Variants in ZSWIM5 observed in about 807,000 individuals in gnomAD.
The protein encoded by ZSWIM5 is zinc finger SWIM-type containing 5, also known as zinc finger SWIM domain-containing protein 5.
Under a neutral mutation model 119.6 loss-of-function variants are expected in ZSWIM5, and 55 were observed. The observed-to-expected ratio is 0.46, with a 90% CI of 0.37 to 0.58. ZSWIM5 has a LOEUF of 0.58. Among genes scored for constraint, ZSWIM5 ranks in the 20% least tolerant of loss-of-function variants. The pLI, the probability that ZSWIM5 is intolerant of heterozygous loss-of-function variation, is 0.00. For missense variants in ZSWIM5, 1,193 were observed against 1,512.8 expected, an observed-to-expected ratio of 0.79 and a Z score of 3.51; for synonymous variants, 537 against 606.9, an observed-to-expected ratio of 0.88 and a Z score of 1.69.
chr1:45,179,066 G>T (rs1404661633), intron 1 of ZSWIM5, among the ~76,000 whole-genome samples: 1 of 151,906 alleles, frequency 6.6e-6, no homozygotes, highest in Non-Finnish European at 1.5e-5. Context: ...ATTTATGATA[G>T]CATGAAAAAG....
chr1:45,043,082 TA>T, intron 6 of ZSWIM5, 136 bp downstream of exon 6: 1 of 874,596 alleles, frequency 1.1e-6, no homozygotes, highest in Non-Finnish European at 1.8e-6. Context: ...TAAATATCCC[TA>T]ATAAAAGCCC....
At position 45,017,267 on chromosome 1, in the gene ZSWIM5, G is replaced by T. The variant is rs1644859805; in HGVS notation, c.*1187C>A. On this transcript the variant is annotated 3_prime_UTR_variant, in exon 14 of 14. Coordinates refer to ENST00000359600, the MANE Select transcript of ZSWIM5 (RefSeq NM_020883.2). ...ATCCCTACATGTAGAAATACGCTCAGTTACACATATAAAGACACAGATGCA... is the reference window on the plus strand; with the variant it reads ...ATCCCTACATGTAGAAATACGCTCATTTACACATATAAAGACACAGATGCA... The T allele has an allele frequency of 1.3e-5, 2 of 152,190 alleles. No individual in the cohort carries two copies. Among genetic ancestry groups the T allele is most frequent in the South Asian group, 4.1e-4 (2 of 4,830 alleles). The allele number at this position is 152,190 out of a possible 1,614,324, so 9.4% of individuals were successfully genotyped here.
chr1:45,156,245 C>T (rs905109123), intron 1 of ZSWIM5, among the ~76,000 whole-genome samples: 13 of 151,870 alleles, frequency 8.6e-5, no homozygotes, highest in African/African-American at 3.1e-4. Context: ...ACTGGATACA[C>T]ATGGACACAA....
chr1:45,127,441 A>AT (rs1645628538), intron 1 of ZSWIM5, among the ~76,000 whole-genome samples: 1 of 149,668 alleles, frequency 6.7e-6, no homozygotes, highest in African/African-American at 2.5e-5. Context: ...TTCTGCTCTC[A>AT]CTTTTTTTTT....
Position 45,182,407 on chromosome 1 carries a change from AAAACAAAC to A in ZSWIM5, c.595+23341_595+23348del, listed in dbSNP as rs1220706124. Among the ~76,000 whole-genome samples, 35 of 126,480 alleles carry A rather than the reference AAAACAAAC, an allele frequency of 2.8e-4. 1 individual carries two copies. The highest frequency in any genetic ancestry group is 1.1e-3 in the South Asian group (5 of 4,458). 83.0% of individuals were successfully genotyped at this position (126,480 alleles called of 152,430 possible). On this transcript the variant is annotated intron_variant, in intron 1 of 13. Transcript: ENST00000359600. ...CGACAGAACGAGACTCCGTCTCAAA[AAAACAAAC>A]AAACAAACAAACAAACAAACAAAAA...
intron 1 of ZSWIM5, among the ~76,000 whole-genome samples, chr1:45,104,820 GC>G (rs933520588): frequency 1.2e-4 from 19 of 152,212 alleles, no homozygotes; most frequent in African/African-American, 3.9e-4. Context: ...ACAGCCATTG[GC>G]CCCCCTCAGC....
chr1:45,047,017 C>CA (rs35174853), intron 5 of ZSWIM5, among the ~76,000 whole-genome samples: 130 of 92,764 alleles, frequency 1.4e-3, no homozygotes, highest in African/African-American at 2.8e-3. Context: ...AACTCTGTCT[C>CA]AAAAAAAAAA....
intron 1 of ZSWIM5, among the ~76,000 whole-genome samples, chr1:45,198,479 A>G (rs1156294315): frequency 6.6e-6 from 1 of 152,250 alleles, no homozygotes; most frequent in Non-Finnish European, 1.5e-5. Flanking sequence ...ACAAAGAATG[A>G]TAACATTTGA....
intron 4 of ZSWIM5, among the ~76,000 whole-genome samples, chr1:45,058,074 C>T (rs1405903924): frequency 6.6e-6 from 1 of 152,104 alleles, no homozygotes; most frequent in Non-Finnish European, 1.5e-5. Context: ...GGTCAGTGGA[C>T]ATCTACTCAT....
chr1:45,203,008 A>G (rs1390819418), intron 1 of ZSWIM5, among the ~76,000 whole-genome samples: 2 of 152,034 alleles, frequency 1.3e-5, no homozygotes, highest in Non-Finnish European at 2.9e-5. Flanking sequence ...AATAGAGTTC[A>G]TACTCTAACC....
At chr1:45,096,888 T>G (rs976573590) in intron 1 of ZSWIM5, among the ~76,000 whole-genome samples, 1 of 152,188 alleles carries the variant, frequency 6.6e-6, no homozygotes, top group African/African-American at 2.4e-5. Flanking sequence ...CACCTGCTAT[T>G]ATAAGAACCC....
rs547647449 is a variant in ZSWIM5, at chr1:45,106,220, G to A, written c.596-17983C>T. ...CCGCCCCCTCTGGGAGGTGAGGGGC[G>A]TCTCTGCCCGGCCGCCCTGTCTGGG... is the stretch of plus-strand genomic sequence containing the variant. On this transcript the variant is annotated intron_variant, in intron 1 of 13. Transcript: ENST00000359600. Among the ~76,000 whole-genome samples the A allele has an allele frequency of 9.0e-4, 129 of 142,846 alleles. 1 individual carries two copies. The highest frequency in any genetic ancestry group is 2.9e-3 in the African/African-American group (112 of 38,300). The allele number at this position is 142,846 out of a possible 152,430, so 93.7% of individuals were successfully genotyped here.
chr1:45,083,078 G>C (rs1570074653), intron 2 of ZSWIM5, among the ~76,000 whole-genome samples: 1 of 152,172 alleles, frequency 6.6e-6, no homozygotes, highest in Non-Finnish European at 1.5e-5. Context: ...AAGGAGGTCA[G>C]CGTAGAACAG....
chr1:45,092,939 CCTATCTAT>C lies in ZSWIM5; in HGVS notation c.596-4710_596-4703del, dbSNP rs576663509. ...CATAGGCCAATTCCTTGAAATAAAT[CCTATCTAT>C]CTATCTATCTATCTATCATCTCCCA... On this transcript the variant is annotated intron_variant, in intron 1 of 13. Transcript: ENST00000359600. 1.6e-4 allele frequency among the ~76,000 whole-genome samples: 25 copies of C among 152,234 alleles called. No homozygotes were observed. In the East Asian group the frequency reaches 2.7e-3, roughly 16 times the overall value.
At position 45,017,490 on chromosome 1, in the gene ZSWIM5, G is replaced by C. The variant is rs1421316799; in HGVS notation, c.*964C>G. On this transcript the variant is annotated 3_prime_UTR_variant, in exon 14 of 14. Transcript: ENST00000359600. ...ATATTCAAACAGGTACACAGCCATA[G>C]AACTGACACATACACATAAATATAT... The C allele has an allele frequency of 1.3e-5, 2 of 152,216 alleles. No individual in the cohort carries two copies. Among genetic ancestry groups the C allele is most frequent in the Non-Finnish European group, 2.9e-5 (2 of 68,042 alleles). The allele number at this position is 152,216 out of a possible 1,614,324, so 9.4% of individuals were successfully genotyped here.
intron 1 of ZSWIM5, among the ~76,000 whole-genome samples, chr1:45,134,092 G>A (rs896592738): frequency 2.7e-4 from 41 of 152,134 alleles, no homozygotes; most frequent in Admixed American, 2.0e-3. Flanking sequence ...TTGGCGATGC[G>A]GGCTCTTTTT....
intron 2 of ZSWIM5, among the ~76,000 whole-genome samples, chr1:45,084,610 C>T (rs563664349): frequency 1.3e-5 from 2 of 152,356 alleles, no homozygotes; most frequent in South Asian, 4.1e-4. Flanking sequence ...AATACACCTA[C>T]CATTTCAAAA....
chr1:45,054,398 C>T (rs1645108668), intron 4 of ZSWIM5, among the ~76,000 whole-genome samples: 1 of 151,854 alleles, frequency 6.6e-6, no homozygotes, highest in Non-Finnish European at 1.5e-5. Context: ...GCCTGGCCAA[C>T]ATGGTGAAAC....
chr1:45,127,364 C>T (rs1344206200), intron 1 of ZSWIM5, among the ~76,000 whole-genome samples: 1 of 151,878 alleles, frequency 6.6e-6, no homozygotes, highest in Non-Finnish European at 1.5e-5. Context: ...CTACAAAAAA[C>T]CTACAGCTAA....
Sources: allele counts gnomAD v4.1 joint callset (sites outside exome capture counted in the v4.1 genomes callset), GRCh38; gene constraint gnomAD v4.1.1; transcripts MANE v1.5; gene names NCBI Gene and HGNC (gene_info 2026-07-23, HGNC 2026-07-21).